Variants in SHROOM3 observed in about 807,000 individuals in gnomAD.
SHROOM3 encodes the protein shroom family member 3.
SHROOM3 carries 47 observed loss-of-function variants against 138.6 expected under a neutral mutation model. The ratio of observed to expected loss-of-function variants is 0.34; its 90% CI spans 0.27 to 0.43. The LOEUF (loss-of-function observed/expected upper bound fraction) is 0.43, where lower values mean the gene tolerates loss of function less well. Among genes scored for constraint, SHROOM3 ranks in the 20% least tolerant of loss-of-function variants. The pLI, the probability that SHROOM3 is intolerant of heterozygous loss-of-function variation, is 1.00. For synonymous variants in SHROOM3, 1,062 were observed against 1,063.3 expected, an observed-to-expected ratio of 1.00 and a Z score of 0.02; for missense variants, 2,491 against 2,596.5, an observed-to-expected ratio of 0.96 and a Z score of 0.88.
At chr4:76,541,853 T>A (rs1006244447) in intron 1 of SHROOM3, among the ~76,000 whole-genome samples, 2 of 152,136 alleles carry the variant, frequency 1.3e-5, no homozygotes, top group African/African-American at 4.8e-5. Flanking sequence ...CGGCCTCTTG[T>A]CTGTCAATCC....
chr4:76,542,108 A>G (rs887885667), intron 1 of SHROOM3, among the ~76,000 whole-genome samples: 89 of 151,740 alleles, frequency 5.9e-4, no homozygotes, highest in Non-Finnish European at 1.9e-4. Context: ...ACTGTTGGGT[A>G]TTATGCTAAG....
intron 2 of SHROOM3, among the ~76,000 whole-genome samples, chr4:76,661,412 A>G (rs1252926334): frequency 5.3e-5 from 8 of 152,070 alleles, no homozygotes; most frequent in African/African-American, 1.9e-4. Flanking sequence ...TTGTATTTTT[A>G]GTAGAGACGG....
chr4:76,682,622 G>C (rs966044238), intron 2 of SHROOM3, among the ~76,000 whole-genome samples: 20 of 150,942 alleles, frequency 1.3e-4, no homozygotes, highest in Admixed American at 1.3e-3. Context: ...GTCAAGGAGA[G>C]AGAAAGGAAA....
intron 2 of SHROOM3, among the ~76,000 whole-genome samples, chr4:76,654,942 G>C (rs2110090153): frequency 6.6e-6 from 1 of 152,246 alleles, no homozygotes; most frequent in African/African-American, 2.4e-5. Context: ...AGATCTATTT[G>C]ACTATCTGAC....
intron 1 of SHROOM3, among the ~76,000 whole-genome samples, chr4:76,538,533 G>A (rs34739957): frequency 0.077 from 11,772 of 152,188 alleles, 625 homozygotes; most frequent in East Asian, 0.16. Flanking sequence ...AGTCAGGAGT[G>A]ACCTGAGAGT....
At chr4:76,696,489 C>T (rs1245615715) in intron 2 of SHROOM3, among the ~76,000 whole-genome samples, 2 of 152,158 alleles carry the variant, frequency 1.3e-5, no homozygotes, top group South Asian at 2.1e-4. Context: ...TTCTCTTTGT[C>T]GTGGGTTCTA....
chr4:76,612,600 A>C (rs1441941298), intron 2 of SHROOM3, among the ~76,000 whole-genome samples: 1 of 152,198 alleles, frequency 6.6e-6, no homozygotes, highest in Non-Finnish European at 1.5e-5. Flanking sequence ...ATGTAGTATA[A>C]TAATGATATT....
intron 3 of SHROOM3, among the ~76,000 whole-genome samples, chr4:76,718,176 G>A (rs926728417): frequency 6.6e-6 from 1 of 152,148 alleles, no homozygotes; most frequent in African/African-American, 2.4e-5. Context: ...TATCAAATTT[G>A]CTCATCTATA....
intron 10 of SHROOM3, among the ~76,000 whole-genome samples, chr4:76,778,222 A>ATT (rs71212454): frequency 0.026 from 3,628 of 139,902 alleles, 46 homozygotes; most frequent in Non-Finnish European, 0.028. Context: ...TACCTTGATG[A>ATT]TTTTTTTTTT....
rs11374158 is a variant in SHROOM3 at position 76,749,229 on chromosome 4, CTTT to C, written c.3827+147_3827+149del. The stretch of plus-strand genomic sequence containing the variant: ...TTTGATTTGTCTAGGCCATGGATAA[CTTT>C]TTTTTTTAGTTTTATTATTATACTT... On this transcript the variant is annotated intron_variant, in intron 6 of 10. Transcript: ENST00000296043. 30 of 637,032 alleles carry C rather than the reference CTTT, an allele frequency of 4.7e-5. No homozygotes were observed. The African/African-American group carries it at 5.5e-4, about 12-fold the overall frequency. The allele number at this position is 637,032 out of a possible 1,614,324, so 39.5% of individuals were successfully genotyped here.
At chr4:76,582,833 T>G (rs114160084) in intron 2 of SHROOM3, among the ~76,000 whole-genome samples, 1 of 152,134 alleles carries the variant, frequency 6.6e-6, no homozygotes, top group Non-Finnish European at 1.5e-5. Context: ...CACGTGCTAA[T>G]CAGTGGCAGA....
chr4:76,553,249 C>T (rs1384201081), intron 1 of SHROOM3, among the ~76,000 whole-genome samples: 1 of 152,026 alleles, frequency 6.6e-6, no homozygotes. Context: ...TGCACCTCCA[C>T]CTCCTGGTTT....
At chr4:76,532,563 C>T (rs1732854766) in intron 1 of SHROOM3, among the ~76,000 whole-genome samples, 1 of 149,552 alleles carries the variant, frequency 6.7e-6, no homozygotes, top group South Asian at 2.1e-4. Context: ...GAACACATTT[C>T]TGTTTGTGCC....
intron 2 of SHROOM3, among the ~76,000 whole-genome samples, chr4:76,684,052 T>A (rs957711890): frequency 6.6e-6 from 1 of 152,240 alleles, no homozygotes; most frequent in Non-Finnish European, 1.5e-5. Flanking sequence ...TTTCACTAGA[T>A]AATGTGGACA....
At chr4:76,674,506 T>C (rs1049285895) in intron 2 of SHROOM3, among the ~76,000 whole-genome samples, 1 of 151,690 alleles carries the variant, frequency 6.6e-6, no homozygotes, top group South Asian at 2.1e-4. Context: ...GTCAAATTTA[T>C]TTTCTTCTCT....
chr4:76,545,279 G>A (rs1733189367), intron 1 of SHROOM3, among the ~76,000 whole-genome samples: 1 of 152,172 alleles, frequency 6.6e-6, no homozygotes. Flanking sequence ...AAGGCACTGA[G>A]CGGAGTTGAG....
intron 2 of SHROOM3, chr4:76,586,825 A>G (rs1734164874): frequency 6.6e-6 from 1 of 152,228 alleles, no homozygotes; most frequent in Non-Finnish European, 1.5e-5. Context: ...AGTCAGCCTG[A>G]ACATCTTGGC....
In SHROOM3 at chr4:76,740,712, C is replaced by T; in HGVS notation, c.2539C>T (p.His847Tyr). 1 of 1,613,756 alleles carries T rather than the reference C, an allele frequency of 6.2e-7. No individual in the cohort carries two copies. Among genetic ancestry groups the T allele is most frequent in the South Asian group, 1.1e-5 (1 of 91,080 alleles). The change falls in exon 5 of 11, where the codon CAC becomes TAC. Residue 847 changes from histidine (H) to tyrosine (Y), a missense_variant. This residue lies in a region of SHROOM3 where 1,733 missense variants were observed against 1,661.6 expected (regional missense o/e 1.04). Coordinates refer to ENST00000296043, the MANE Select transcript of SHROOM3 (RefSeq NM_020859.4). The surrounding 1 kb of genome is among the most constrained non-coding windows in gnomAD (Gnocchi z 4.0). The part of the protein sequence containing the change: ...SAEPLGNGEQ[H>Y]FKNGELKLEE... ...TGAACCCCTAGGCAACGGGGAGCAGCACTTCAAAAACGGGGAGCTGAAGTT... is the reference window on the plus strand; with the variant it reads ...TGAACCCCTAGGCAACGGGGAGCAGTACTTCAAAAACGGGGAGCTGAAGTT...
chr4:76,717,384 C>T (rs1198938896), intron 3 of SHROOM3, among the ~76,000 whole-genome samples: 1 of 152,174 alleles, frequency 6.6e-6, no homozygotes, highest in Non-Finnish European at 1.5e-5. Flanking sequence ...TGGTGTCTGA[C>T]ATTAATCTGG....
Sources: gnomAD v4.1 joint callset for allele counts (sites outside exome capture counted in the v4.1 genomes callset) on GRCh38, gnomAD v4.1.1 for gene constraint, gnomAD v4.1.1 regional missense constraint, Gnocchi (gnomAD v3.1) non-coding constraint, MANE v1.5 for transcripts, NCBI Gene and HGNC (gene_info 2026-07-23, HGNC 2026-07-21) for gene names.